Variants in SPATA18 observed in about 807,000 individuals in gnomAD.
The protein encoded by SPATA18 is spermatogenesis associated 18, also known as mitochondria-eating protein.
A neutral mutation model predicts 68.1 loss-of-function variants in SPATA18; 54 were observed. That is an observed-to-expected ratio of 0.79 (90% CI 0.64 to 0.99). The LOEUF (loss-of-function observed/expected upper bound fraction) is 0.99. Among genes scored for constraint, SPATA18 ranks in the 50% least tolerant of loss-of-function variants. The pLI, the probability that SPATA18 is intolerant of heterozygous loss-of-function variation, is 0.00. For synonymous variants in SPATA18, 242 were observed against 244.8 expected (o/e 0.99, Z 0.11); for missense variants, 724 against 681.1 (o/e 1.06, Z -0.70).
chr4:52,094,637 A>G (rs1742273771), intron 12 of SPATA18, 65 bp downstream of exon 12: 2 of 1,490,772 alleles, frequency 1.3e-6, no homozygotes, highest in African/African-American at 2.8e-5. Context: ...AGTACTTAGC[A>G]CTGAGCAGCA....
chr4:52,079,074 CATATT>C (rs1740674291), intron 8 of SPATA18, among the ~76,000 whole-genome samples, 181 bp downstream of exon 8: 1 of 152,092 alleles, frequency 6.6e-6, no homozygotes, highest in Non-Finnish European at 1.5e-5. Context: ...CTTCCTTAAA[CATATT>C]ATAGGGAAAA....
chr4:52,078,552 G>T, intron 7 of SPATA18, 183 bp from the exon 8 acceptor site: 1 of 505,868 alleles, frequency 2.0e-6, no homozygotes, highest in Non-Finnish European at 3.5e-6. Flanking sequence ...ATTATTATAT[G>T]TTTATGTACT....
chr4:52,054,998 C>A (rs532781041), intron 1 of SPATA18, among the ~76,000 whole-genome samples: 2 of 151,626 alleles, frequency 1.3e-5, no homozygotes, highest in Admixed American at 6.6e-5. Context: ...TTATATTAGT[C>A]TTAAGATCTC....
At chr4:52,055,320 C>G (rs1334342877) in intron 1 of SPATA18, among the ~76,000 whole-genome samples, 1 of 152,128 alleles carries the variant, frequency 6.6e-6, no homozygotes, top group African/African-American at 2.4e-5. Flanking sequence ...TCATTCATGC[C>G]CACTTCCAAT....
rs184386036 is a variant in SPATA18, at chr4:52,063,156, A to T, written c.422+824A>T. 4.0e-3 allele frequency among the ~76,000 whole-genome samples: 605 copies of T among 152,066 alleles called. 3 individuals are homozygous for T. Among genetic ancestry groups the T allele is most frequent in the Admixed American group, 0.011 (173 of 15,286 alleles). On this transcript the variant is annotated intron_variant, in intron 4 of 12. Transcript: ENST00000295213. ...TGGGACAGAAAGGAAATCTTTTTTTAAAAAAAATTAATAACTAGTTAAGGC... is the reference window on the plus strand; with the variant it reads ...TGGGACAGAAAGGAAATCTTTTTTTTAAAAAAATTAATAACTAGTTAAGGC...
At chr4:52,084,010 A>G (rs1397756536) in intron 10 of SPATA18, among the ~76,000 whole-genome samples, 1 of 150,882 alleles carries the variant, frequency 6.6e-6, no homozygotes, top group South Asian at 2.1e-4. Flanking sequence ...AAGTGCTGCG[A>G]TTACAGGCAT....
intron 6 of SPATA18, among the ~76,000 whole-genome samples, chr4:52,076,420 C>G (rs1258498154): frequency 6.6e-6 from 1 of 152,112 alleles, no homozygotes; most frequent in Non-Finnish European, 1.5e-5. Flanking sequence ...TAAAATGCAT[C>G]TACTTGTAAA....
chr4:52,074,216 A>G (rs1293630511), intron 6 of SPATA18, among the ~76,000 whole-genome samples: 1 of 152,202 alleles, frequency 6.6e-6, no homozygotes, highest in Admixed American at 6.5e-5. Flanking sequence ...GAGTACAAAC[A>G]TCATAATGAA....
At position 52,060,904 on chromosome 4, in the gene SPATA18, A is replaced by T; in HGVS notation, c.309+7A>T. On this transcript the variant is annotated splice_region_variant and intron_variant, in intron 3 of 12. Transcript: ENST00000295213. ...CAAGGTCCCCTCTCTGCAGGTAGGGATGCTGAAGGATAACCCTTGACTTTC... is the reference window on the plus strand; with the variant it reads ...CAAGGTCCCCTCTCTGCAGGTAGGGTTGCTGAAGGATAACCCTTGACTTTC... 1 of 1,602,274 alleles carries T rather than the reference A, an allele frequency of 6.2e-7. No individual in the cohort carries two copies. Among genetic ancestry groups the T allele is most frequent in the Non-Finnish European group, 8.6e-7 (1 of 1,169,484 alleles).
chr4:52,092,136 C>T (rs1032569620), intron 11 of SPATA18, among the ~76,000 whole-genome samples: 10 of 152,188 alleles, frequency 6.6e-5, no homozygotes, highest in Admixed American at 3.9e-4. Context: ...TCTTAGTTTC[C>T]TGGGCTCCGT....
At position 52,095,079 on chromosome 4, in the gene SPATA18, T is replaced by G; in HGVS notation, c.*192T>G. Reference sequence around the variant, plus strand: ...TAACTTTAGATATATTGCATTCTATTTTATTTTATAGATACTAATTCCATT... The same window carrying G: ...TAACTTTAGATATATTGCATTCTATGTTATTTTATAGATACTAATTCCATT... On this transcript the variant is annotated 3_prime_UTR_variant, in exon 13 of 13. Coordinates refer to ENST00000295213, the MANE Select transcript of SPATA18 (RefSeq NM_145263.4). 3.2e-6 allele frequency: 2 copies of G among 616,776 alleles called. No homozygotes were observed. The highest frequency in any genetic ancestry group is 4.2e-5 in the South Asian group (2 of 47,960). 38.2% of individuals were successfully genotyped at this position (616,776 alleles called of 1,614,324 possible).
At chr4:52,072,214 CG>C in intron 6 of SPATA18, 58 bp downstream of exon 6, 2 of 1,580,586 alleles carry the variant, frequency 1.3e-6, no homozygotes, top group Non-Finnish European at 1.7e-6. Flanking sequence ...GTTAAGGGAT[CG>C]GGGAGGAGGA....
At position 52,060,827 on chromosome 4, in the gene SPATA18, C is replaced by G; in HGVS notation, c.239C>G (p.Pro80Arg). 6.2e-7 allele frequency: 1 copy of G among 1,614,004 alleles called. No homozygotes were observed. The change falls in exon 3 of 13, where the codon CCT becomes CGT. Residue 80 changes from proline (P) to arginine (R), a missense_variant. Pro to Arg is a moderately radical substitution (Grantham distance 103). Transcript: ENST00000295213. The stretch of plus-strand genomic sequence containing the variant: ...GAAACAATCAAGTCACGCCTTTTGC[C>G]TTGGCTGGAGGCTTCCTTTACTGCT... ...GVETIKSRLL[P>R]WLEASFTAAS...
chr4:52,060,904 A>G lies in SPATA18; in HGVS notation c.309+7A>G, dbSNP rs1738791485. On this transcript the variant is annotated splice_region_variant and intron_variant, in intron 3 of 12. Coordinates refer to ENST00000295213, the MANE Select transcript of SPATA18 (RefSeq NM_145263.4). ...CAAGGTCCCCTCTCTGCAGGTAGGGATGCTGAAGGATAACCCTTGACTTTC... is the reference window on the plus strand; with the variant it reads ...CAAGGTCCCCTCTCTGCAGGTAGGGGTGCTGAAGGATAACCCTTGACTTTC... The G allele has an allele frequency of 6.2e-7, 1 of 1,602,274 alleles. No individual in the cohort carries two copies. The highest frequency in any genetic ancestry group is 8.6e-7 in the Non-Finnish European group (1 of 1,169,484).
At chr4:52,054,692 T>C (rs1337257303) in intron 1 of SPATA18, among the ~76,000 whole-genome samples, 3 of 151,926 alleles carry the variant, frequency 2.0e-5, no homozygotes, top group Non-Finnish European at 4.4e-5. Context: ...AGAACCAGCC[T>C]ATGGTCCGTG....
intron 1 of SPATA18, among the ~76,000 whole-genome samples, chr4:52,058,270 T>C (rs1380853): frequency 1.3e-5 from 2 of 151,714 alleles, no homozygotes; most frequent in Middle Eastern, 3.4e-3. Flanking sequence ...AGCAAAGCAA[T>C]ATCATTTTTA....
In SPATA18 at chr4:52,069,917, G is replaced by A; in HGVS notation, c.518+1G>A. On this transcript the variant is annotated splice_donor_variant, in intron 5 of 12. Coordinates refer to ENST00000295213, the MANE Select transcript of SPATA18 (RefSeq NM_145263.4). LOFTEE classifies it high-confidence loss of function. ...AGGAAATAAATCAGCTGAAAAAGCA[G>A]TAAGAAAAAAATTACAGGATTATTG... is the stretch of plus-strand genomic sequence containing the variant. The A allele has an allele frequency of 6.3e-7, 1 of 1,581,378 alleles. No homozygotes were observed. Among genetic ancestry groups the A allele is most frequent in the Non-Finnish European group, 8.6e-7 (1 of 1,160,750 alleles).
At position 52,076,692 on chromosome 4, in the gene SPATA18, GTCGGATTCATTGGCCA is replaced by G; in HGVS notation, c.759-86_759-71del. 7.7e-6 allele frequency: 12 copies of G among 1,563,400 alleles called. No individual in the cohort carries two copies. In the South Asian group the frequency reaches 1.3e-4, roughly 17 times the overall value. On this transcript the variant is annotated intron_variant, in intron 6 of 12. Transcript: ENST00000295213. ...AGATAAGGAGTTTTGCCTCCGGATG[GTCGGATTCATTGGCCA>G]CCAGATGATCTTTGCTTTACTTAAG...
In SPATA18 at chr4:52,055,035, C is replaced by T. The variant is rs569504846; in HGVS notation, c.87+3244C>T. 2.6e-5 allele frequency among the ~76,000 whole-genome samples: 4 copies of T among 151,884 alleles called. No homozygotes were observed. In the South Asian group the frequency reaches 6.3e-4, roughly 24 times the overall value. On this transcript the variant is annotated intron_variant, in intron 1 of 12. Transcript: ENST00000295213. ...ATTTTAACAGTAGCTTCATGCAGTC[C>T]AGAAAATTTTGCCTGTAACAGAACT...
Sources: allele counts gnomAD v4.1 joint callset (sites outside exome capture counted in the v4.1 genomes callset), GRCh38; gene constraint gnomAD v4.1.1; transcripts MANE v1.5; gene names NCBI Gene and HGNC (gene_info 2026-07-23, HGNC 2026-07-21).